The following ICE2 variants were observed in gnomAD, a reference collection of about 807,000 sequenced individuals.
The protein encoded by ICE2 is interactor of little elongation complex ELL subunit 2, also known as little elongation complex subunit 2.
In ICE2, 87 loss-of-function variants were observed where a neutral mutation model predicts 105.4. The ratio of observed to expected loss-of-function variants is 0.83; its 90% CI spans 0.69 to 0.99. ICE2 has a LOEUF of 0.99. ICE2 is among the 50% of genes least tolerant of loss of function. The pLI, the probability that ICE2 is intolerant of heterozygous loss-of-function variation, is 0.00. For synonymous variants in ICE2, 399 were observed against 392.0 expected, an observed-to-expected ratio of 1.02 and a Z score of -0.21; for missense variants, 1,323 against 1,146.7, an observed-to-expected ratio of 1.15 and a Z score of -2.22.
chr15:60,448,456 C>CA (rs1227122995), intron 10 of ICE2, among the ~76,000 whole-genome samples: 2 of 152,198 alleles, frequency 1.3e-5, no homozygotes, highest in African/African-American at 4.8e-5. Context: ...CTAATCTAGG[C>CA]AGAGCTGAGG....
intron 4 of ICE2, among the ~76,000 whole-genome samples, chr15:60,467,789 T>A (rs1238171605): frequency 6.6e-6 from 1 of 152,178 alleles, no homozygotes; most frequent in East Asian, 1.9e-4. Flanking sequence ...ATTGAAATAA[T>A]TAAGCAATAA....
At position 60,421,344 on chromosome 15, in the gene ICE2, T is replaced by G. The variant is rs569006674; in HGVS notation, c.*2290A>C. ...GATCCTCCCACCTCAGCTTCCCAAGTAGCTGGGATTACATCCTGCTAAACA... is the reference window on the plus strand; with the variant it reads ...GATCCTCCCACCTCAGCTTCCCAAGGAGCTGGGATTACATCCTGCTAAACA... On this transcript the variant is annotated 3_prime_UTR_variant, in exon 16 of 16. Coordinates refer to ENST00000261520, the MANE Select transcript of ICE2 (RefSeq NM_024611.6). The G allele has an allele frequency of 9.9e-5, 15 of 152,284 alleles. No homozygotes were observed. The South Asian group carries it at 1.5e-3, about 15-fold the overall frequency. The allele number at this position is 152,284 out of a possible 1,614,324, so 9.4% of individuals were successfully genotyped here. A position where few individuals can be genotyped will look rare whatever the true frequency, so the allele number is the denominator to read the frequency against.
chr15:60,476,539 T>A (rs1433163566), intron 2 of ICE2, among the ~76,000 whole-genome samples: 1 of 152,244 alleles, frequency 6.6e-6, no homozygotes, highest in Non-Finnish European at 1.5e-5. Flanking sequence ...ATTAAGATAC[T>A]TGGTTGCTGA....
Position 60,422,005 on chromosome 15 carries a change from T to A in ICE2, c.*1629A>T, listed in dbSNP as rs77810487. On this transcript the variant is annotated 3_prime_UTR_variant, in exon 16 of 16. Transcript: ENST00000261520. ...TTAGGCCAAAAGAATAGCTATTCTTTACACAGAATAGCTAAAAAATTTCAA... is the reference window on the plus strand; with the variant it reads ...TTAGGCCAAAAGAATAGCTATTCTTAACACAGAATAGCTAAAAAATTTCAA... The A allele has an allele frequency of 6.6e-6, 1 of 151,848 alleles. No individual in the cohort carries two copies. Among genetic ancestry groups the A allele is most frequent in the Non-Finnish European group, 1.5e-5 (1 of 67,970 alleles). The allele number at this position is 151,848 out of a possible 1,614,324, so 9.4% of individuals were successfully genotyped here.
chr15:60,438,509 CAA>C (rs1173341848), intron 12 of ICE2: 1 of 151,994 alleles, frequency 6.6e-6, no homozygotes, highest in African/African-American at 2.4e-5. Context: ...TTTCTAATAA[CAA>C]AGACATATCG....
rs567101485 is a variant in ICE2, at chr15:60,448,797, A to C, written c.2119+51T>G. ...TAAAGGAACGAGGGAGAAAAACCTA[A>C]GGAAAAAGAACAAGTAAAACACTGT... On this transcript the variant is annotated intron_variant, in intron 10 of 15. Coordinates refer to ENST00000261520, the MANE Select transcript of ICE2 (RefSeq NM_024611.6). 5.1e-4 allele frequency: 748 copies of C among 1,476,006 alleles called. 9 individuals carry two copies. The South Asian group carries it at 7.9e-3, about 16-fold the overall frequency. The allele number at this position is 1,476,006 out of a possible 1,614,324, so 91.4% of individuals were successfully genotyped here.
intron 3 of ICE2, among the ~76,000 whole-genome samples, chr15:60,469,949 A>G (rs932729066): frequency 2.6e-5 from 4 of 152,224 alleles, no homozygotes; most frequent in African/African-American, 9.6e-5. Context: ...GAAGTGCATC[A>G]AAAACTATAC....
At position 60,448,137 on chromosome 15, in the gene ICE2, A is replaced by G. The variant is rs148634249; in HGVS notation, c.2128T>C (p.Tyr710His). 4 of 1,603,324 alleles carry G rather than the reference A, an allele frequency of 2.5e-6. No homozygotes were observed. In the African/African-American group the frequency reaches 5.4e-5, roughly 21 times the overall value. The change falls in exon 11 of 16, where the codon TAT becomes CAT. Residue 710 changes from tyrosine to histidine, a missense_variant. Physicochemically the swap from Tyr to His is moderately conservative, Grantham distance 83. Coordinates refer to ENST00000261520, the MANE Select transcript of ICE2 (RefSeq NM_024611.6). ...AFQKPKGRLP[Y>H]ELQDYVEDTS... is the part of the protein sequence containing the mutation. ...TCTTCAACATAGTCCTGAAGTTCAT[A>G]TGGCAATCCTTTAAAAATAGTATTT... is the stretch of plus-strand genomic sequence containing the variant.
intron 13 of ICE2, among the ~76,000 whole-genome samples, 155 bp from the exon 14 acceptor site, chr15:60,432,139 GATTAA>G (rs2063474049): frequency 6.7e-6 from 1 of 149,682 alleles, no homozygotes; most frequent in South Asian, 2.1e-4. Flanking sequence ...TTTCTATTTG[GATTAA>G]ATTATGATAT....
intron 14 of ICE2, among the ~76,000 whole-genome samples, chr15:60,430,840 A>G (rs1387317147): frequency 1.3e-5 from 2 of 152,132 alleles, no homozygotes; most frequent in African/African-American, 4.8e-5. Context: ...ATATCCTAAG[A>G]CTTGCCATGG....
chr15:60,476,092 A>T lies in ICE2; in HGVS notation c.117T>A (p.Ser39Arg). The change falls in exon 3 of 16, where the codon AGT becomes AGA. Residue 39 changes from serine (S) to arginine (R), a missense_variant. Physicochemically the swap from Ser to Arg is moderately radical, Grantham distance 110. Coordinates refer to ENST00000261520, the MANE Select transcript of ICE2 (RefSeq NM_024611.6). ...TGGATAAAACACGTAGTTCTTTTAA[A>T]CTTGGAGCCATGGAATGATCTTTAT... Reference protein sequence around the residue: ...ENYKDHSMAPSLKELRVLSNR... With the variant: ...ENYKDHSMAPRLKELRVLSNR... 1 of 1,605,754 alleles carries T rather than the reference A, an allele frequency of 6.2e-7. No individual in the cohort carries two copies. Among genetic ancestry groups the T allele is most frequent in the Non-Finnish European group, 8.5e-7 (1 of 1,176,748 alleles).
chr15:60,434,432 A>G (rs112419738), intron 13 of ICE2, among the ~76,000 whole-genome samples: 2 of 151,830 alleles, frequency 1.3e-5, no homozygotes, highest in African/African-American at 4.8e-5. Flanking sequence ...TGCCACTGGC[A>G]TTATATTTAA....
At chr15:60,432,144 A>C (rs2063474105) in intron 13 of ICE2, among the ~76,000 whole-genome samples, 160 bp from the exon 14 acceptor site, 1 of 151,862 alleles carries the variant, frequency 6.6e-6, no homozygotes, top group South Asian at 2.1e-4. Flanking sequence ...ATTTGGATTA[A>C]ATTATGATAT....
At position 60,455,007 on chromosome 15, in the gene ICE2, A is replaced by G. The variant is rs2064064780; in HGVS notation, c.939T>C (p.Val313=). 6.5e-7 allele frequency: 1 copy of G among 1,545,908 alleles called. No individual in the cohort carries two copies. The highest frequency in any genetic ancestry group is 8.6e-7 in the Non-Finnish European group (1 of 1,156,558). The stretch of plus-strand genomic sequence containing the variant: ...TTGACATAGCAAATTACAAACCTGC[A>G]ACAGGTATTACTTGAATACACACTG... ...EIPVCIQVIP[V]AGSKPVKVIY... is the part of the protein sequence containing the mutation. Residue 313 remains valine (V), a synonymous_variant, in exon 8 of 16, where the codon GTT becomes GTC. Coordinates refer to ENST00000261520, the MANE Select transcript of ICE2 (RefSeq NM_024611.6).
chr15:60,432,497 G>C lies in ICE2; in HGVS notation c.2511-513C>G, dbSNP rs531305136. ...GAGGCATGGGGTCGGGCCAATTTTT[G>C]CCATTTCATGATTTCCTTTCATTAT... On this transcript the variant is annotated intron_variant, in intron 13 of 15. Coordinates refer to ENST00000261520, the MANE Select transcript of ICE2 (RefSeq NM_024611.6). 4.6e-5 allele frequency among the ~76,000 whole-genome samples: 7 copies of C among 150,818 alleles called. No homozygotes were observed. In the South Asian group the frequency reaches 1.5e-3, roughly 33 times the overall value.
In ICE2 at chr15:60,421,445, T is replaced by C. The variant is rs1174700378; in HGVS notation, c.*2189A>G. The C allele has an allele frequency of 1.3e-5, 2 of 152,134 alleles. No homozygotes were observed. Among genetic ancestry groups the C allele is most frequent in the Non-Finnish European group, 2.9e-5 (2 of 68,026 alleles). The allele number at this position is 152,134 out of a possible 1,614,324, so 9.4% of individuals were successfully genotyped here. A position where few individuals can be genotyped will look rare whatever the true frequency, so the allele number is the denominator to read the frequency against. On this transcript the variant is annotated 3_prime_UTR_variant, in exon 16 of 16. Transcript: ENST00000261520. ...AAAAGAACATAAAGCATATCAAATG[T>C]ATGTTAAAAAAGGAGGCTTCACTAA...
chr15:60,448,031 C>A lies in ICE2; in HGVS notation c.2234G>T (p.Arg745Leu), dbSNP rs752624249. ...FSLQDLLLLV[R>L]CSVQRIETRP... ...TGTCTCTATCCTCTGGACACTGCAG[C>A]GTACGAGTAACAACAGGTCTTGCAG... Residue 745 changes from arginine to leucine, a missense_variant, in exon 11 of 16, where the codon CGC becomes CTC. Coordinates refer to ENST00000261520, the MANE Select transcript of ICE2 (RefSeq NM_024611.6). The A allele has an allele frequency of 6.2e-6, 10 of 1,613,720 alleles. No individual in the cohort carries two copies. The African/African-American group carries it at 1.3e-4, about 22-fold the overall frequency.
chr15:60,435,978 C>G (rs1215250778), intron 13 of ICE2, among the ~76,000 whole-genome samples, 165 bp downstream of exon 13: 1 of 151,300 alleles, frequency 6.6e-6, no homozygotes, highest in Non-Finnish European at 1.5e-5. Context: ...CTCAAACACA[C>G]AAAGAACAAA....
intron 9 of ICE2, chr15:60,451,785 T>G (rs2063972687): frequency 4.7e-6 from 1 of 212,878 alleles, no homozygotes; most frequent in Non-Finnish European, 8.1e-6. Context: ...TTTATCCCCC[T>G]AGTCCTATGA....
Sources: allele counts gnomAD v4.1 joint callset (sites outside exome capture counted in the v4.1 genomes callset), GRCh38; gene constraint gnomAD v4.1.1; transcripts MANE v1.5; gene names NCBI Gene and HGNC (gene_info 2026-07-23, HGNC 2026-07-21).